Variants in RIMS3 observed in about 807,000 individuals in gnomAD.
RIMS3 encodes regulating synaptic membrane exocytosis protein 3.
Under a neutral mutation model 29.2 loss-of-function variants are expected in RIMS3, and 15 were observed. The observed-to-expected ratio is 0.51, with a 90% CI of 0.34 to 0.79. The LOEUF is 0.79. Among genes scored for constraint, RIMS3 ranks in the 30% least tolerant of loss-of-function variants. The pLI is 0.01. For synonymous variants in RIMS3, 161 were observed against 170.1 expected (o/e 0.95, Z 0.41); for missense variants, 342 against 421.4 (o/e 0.81, Z 1.65).
At chr1:40,640,317 T>G (rs1362527847) in intron 3 of RIMS3, among the ~76,000 whole-genome samples, 1 of 152,094 alleles carries the variant, frequency 6.6e-6, no homozygotes, top group Non-Finnish European at 1.5e-5. Context: ...CCATGCCCAC[T>G]CTAGGGCTCT....
At chr1:40,650,585 G>A (rs1400262944) in intron 1 of RIMS3, among the ~76,000 whole-genome samples, 2 of 152,036 alleles carry the variant, frequency 1.3e-5, no homozygotes, top group Non-Finnish European at 2.9e-5. Flanking sequence ...ACCTTGGGCC[G>A]GGCGTGGGGC....
At chr1:40,628,980 G>A in intron 6 of RIMS3, 31 bp from the exon 7 acceptor site, 2 of 1,612,302 alleles carry the variant, frequency 1.2e-6, no homozygotes, top group South Asian at 1.1e-5. Flanking sequence ...TGACAGGGAG[G>A]GGTCCAGGAC....
rs958558003 is a variant in RIMS3, at chr1:40,622,945, A to T, written c.*3572T>A. Reference sequence around the variant, plus strand: ...TGCTACATTTCATTTCCAAAGAAGTACCCTTGGAGGTCTTTATTGTCTTTA... The same window carrying T: ...TGCTACATTTCATTTCCAAAGAAGTTCCCTTGGAGGTCTTTATTGTCTTTA... On this transcript the variant is annotated 3_prime_UTR_variant, in exon 8 of 8. Coordinates refer to ENST00000372684, the MANE Select transcript of RIMS3 (RefSeq NM_014747.3). 6 of 153,828 alleles carry T rather than the reference A, an allele frequency of 3.9e-5. No homozygotes were observed. 9.5% of individuals were successfully genotyped at this position (153,828 alleles called of 1,614,324 possible).
chr1:40,650,863 CAAAAAAAAAAAAAA>C (rs58578342), intron 1 of RIMS3, among the ~76,000 whole-genome samples: 2 of 64,554 alleles, frequency 3.1e-5, no homozygotes, highest in Non-Finnish European at 5.3e-5. Context: ...CAGACTCTGT[CAAAAAAAAAAAAAA>C]AAAAAAAAAA....
intron 2 of RIMS3, among the ~76,000 whole-genome samples, chr1:40,644,018 G>GT (rs1393322113): frequency 2.7e-5 from 4 of 148,092 alleles, no homozygotes; most frequent in Non-Finnish European, 6.0e-5. Flanking sequence ...ACTCTTACTT[G>GT]TCCAAGGGGG....
the RIMS3 span, among the ~76,000 whole-genome samples, chr1:40,674,758 A>G: frequency 6.6e-6 from 1 of 151,998 alleles, no homozygotes; most frequent in Non-Finnish European, 1.5e-5. Flanking sequence ...ACCTGCTGCC[A>G]TGGAATACAC....
intron 1 of RIMS3, among the ~76,000 whole-genome samples, chr1:40,663,680 A>G (rs984258914): frequency 2.0e-5 from 3 of 152,156 alleles, no homozygotes; most frequent in Non-Finnish European, 4.4e-5. Context: ...AAATCCAATT[A>G]AAGTCCAGAG....
the RIMS3 span, among the ~76,000 whole-genome samples, chr1:40,678,081 C>T: frequency 6.6e-6 from 1 of 152,116 alleles, no homozygotes; most frequent in Non-Finnish European, 1.5e-5. Flanking sequence ...GGTTGAGAAC[C>T]ATCAGTCTAT....
chr1:40,678,082 A>G, the RIMS3 span, among the ~76,000 whole-genome samples: 2 of 152,180 alleles, frequency 1.3e-5, no homozygotes, highest in African/African-American at 2.4e-5. Flanking sequence ...GTTGAGAACC[A>G]TCAGTCTATC....
the RIMS3 span, among the ~76,000 whole-genome samples, chr1:40,671,948 G>A: frequency 6.6e-6 from 1 of 151,764 alleles, no homozygotes; most frequent in Admixed American, 6.6e-5. Flanking sequence ...GGTAGAGACA[G>A]GGTTTTACCA....
At chr1:40,690,393 G>C in the RIMS3 span, 2 of 151,272 alleles carry the variant, frequency 1.3e-5, no homozygotes, top group African/African-American at 4.9e-5. Context: ...ACAGGGCCTC[G>C]CACTGTCGCC....
At position 40,633,109 on chromosome 1, in the gene RIMS3, A is replaced by G; in HGVS notation, c.432T>C (p.Ala144=). Residue 144 remains alanine, a synonymous_variant, in exon 5 of 8, where the codon GCT becomes GCC. Transcript: ENST00000372684. ...CCAGTGTCTGTCGCCCCACAATCTG[A>G]GCTGGTCCCAGCCCATCCAGGAAAT... The part of the protein sequence containing the change: ...FSDFLDGLGP[A]QIVGRQTLAT... 1 of 1,614,174 alleles carries G rather than the reference A, an allele frequency of 6.2e-7. No homozygotes were observed. Among genetic ancestry groups the G allele is most frequent in the East Asian group, 2.2e-5 (1 of 44,878 alleles).
At chr1:40,627,268 G>A (rs753183965) in intron 7 of RIMS3, among the ~76,000 whole-genome samples, 42 of 152,228 alleles carry the variant, frequency 2.8e-4, no homozygotes, top group Non-Finnish European at 4.4e-4. Flanking sequence ...TCACTCTGTT[G>A]CCCAGGCTGG....
chr1:40,656,898 GT>G (rs1299390610), intron 1 of RIMS3, among the ~76,000 whole-genome samples: 4 of 151,958 alleles, frequency 2.6e-5, no homozygotes, highest in African/African-American at 9.7e-5. Flanking sequence ...GTGAGCTAAT[GT>G]TAAGAAATGG....
the RIMS3 span, chr1:40,691,445 A>G: frequency 3.7e-6 from 1 of 268,680 alleles, no homozygotes; most frequent in Non-Finnish European, 7.4e-6. Context: ...AGCTCGCACC[A>G]AGGAGATCCA....
At position 40,626,098 on chromosome 1, in the gene RIMS3, A is replaced by T; in HGVS notation, c.*419T>A. On this transcript the variant is annotated 3_prime_UTR_variant, in exon 8 of 8. Coordinates refer to ENST00000372684, the MANE Select transcript of RIMS3 (RefSeq NM_014747.3). ...AGCAGAGACCACCAGGAGCAGGCAC[A>T]GGTGAAGAACACACAGGCTCTGCCC... The T allele has an allele frequency of 4.2e-6, 1 of 236,860 alleles. No homozygotes were observed. Among genetic ancestry groups the T allele is most frequent in the Non-Finnish European group, 8.4e-6 (1 of 118,812 alleles). 14.7% of individuals were successfully genotyped at this position (236,860 alleles called of 1,614,324 possible). A position where few individuals can be genotyped will look rare whatever the true frequency, so the allele number is the denominator to read the frequency against.
intron 1 of RIMS3, among the ~76,000 whole-genome samples, chr1:40,655,079 T>C (rs966569548): frequency 6.6e-6 from 1 of 152,194 alleles, no homozygotes; most frequent in Non-Finnish European, 1.5e-5. Flanking sequence ...AAATCCACTG[T>C]GTCCTCCGAG....
chr1:40,684,940 C>T, the RIMS3 span, among the ~76,000 whole-genome samples: 1 of 152,222 alleles, frequency 6.6e-6, no homozygotes, highest in African/African-American at 2.4e-5. Context: ...GCAGGAGAAG[C>T]CATAGACTCC....
In RIMS3 at chr1:40,654,252, C is replaced by T. The variant is rs904007891; in HGVS notation, c.-206-6410G>A. On this transcript the variant is annotated intron_variant, in intron 1 of 7. Transcript: ENST00000372684. The surrounding 1 kb of genome is among the most constrained non-coding windows in gnomAD (Gnocchi z 5.3). ...TCCAGTTACCAGCCCCGCACCAAGCCGGAAGGCGCCGCCCGCGCCTGCTGC... is the reference window on the plus strand; with the variant it reads ...TCCAGTTACCAGCCCCGCACCAAGCTGGAAGGCGCCGCCCGCGCCTGCTGC... 6.6e-6 allele frequency among the ~76,000 whole-genome samples: 1 copy of T among 152,140 alleles called. No homozygotes were observed. Among genetic ancestry groups the T allele is most frequent in the Non-Finnish European group, 1.5e-5 (1 of 68,010 alleles).
Sources: gnomAD v4.1 joint callset for allele counts (sites outside exome capture counted in the v4.1 genomes callset) on GRCh38, gnomAD v4.1.1 for gene constraint, Gnocchi (gnomAD v3.1) non-coding constraint, MANE v1.5 for transcripts, NCBI Gene and HGNC (gene_info 2026-07-23, HGNC 2026-07-21) for gene names.